The following MYH11 variants were observed in gnomAD, a reference collection of about 807,000 sequenced individuals.
MYH11 encodes myosin heavy chain 11.
In MYH11, 80 loss-of-function variants were observed where a neutral mutation model predicts 246.6. The ratio of observed to expected loss-of-function variants is 0.32; its 90% CI spans 0.27 to 0.39. MYH11 has a LOEUF of 0.39. Among genes scored for constraint, MYH11 ranks in the 10% least tolerant of loss-of-function variants. MYH11 has a pLI of 1.00. For missense variants in MYH11, 2,158 were observed against 2,546.8 expected, an observed-to-expected ratio of 0.85 and a Z score of 3.29; for synonymous variants, 1,071 against 1,015.5, an observed-to-expected ratio of 1.05 and a Z score of -1.04.
intron 2 of MYH11, among the ~76,000 whole-genome samples, chr16:15,824,204 G>A (rs1365684205): frequency 6.6e-6 from 1 of 152,114 alleles, no homozygotes; most frequent in Non-Finnish European, 1.5e-5. Context: ...ACAGATATGT[G>A]TGCAGAATTA....
intron 3 of MYH11, among the ~76,000 whole-genome samples, chr16:15,800,732 G>A (rs1397054903): frequency 6.6e-6 from 1 of 151,946 alleles, no homozygotes; most frequent in Non-Finnish European, 1.5e-5. Flanking sequence ...AGAGAGAACT[G>A]ATTGGATGTG....
At chr16:15,804,744 T>G (rs77683635) in intron 3 of MYH11, among the ~76,000 whole-genome samples, 2,990 of 152,292 alleles carry the variant, frequency 0.02, 95 homozygotes, top group African/African-American at 0.065. Context: ...TATTTTTGCA[T>G]AAATGGAATT....
intron 3 of MYH11, among the ~76,000 whole-genome samples, chr16:15,805,668 T>C (rs1297432477): frequency 1.3e-5 from 2 of 152,136 alleles, no homozygotes; most frequent in African/African-American, 2.4e-5. Context: ...TTCCAGCACT[T>C]TGGGAAGCTG....
chr16:15,772,782 G>A (rs1252543731), intron 8 of MYH11, among the ~76,000 whole-genome samples: 5 of 152,100 alleles, frequency 3.3e-5, no homozygotes, highest in South Asian at 4.1e-4. Context: ...GCTGCCCATC[G>A]CTTGCATCAC....
intron 25 of MYH11, among the ~76,000 whole-genome samples, 192 bp downstream of exon 25, chr16:15,737,257 G>C (rs1297099813): frequency 6.6e-6 from 1 of 152,206 alleles, no homozygotes; most frequent in Non-Finnish European, 1.5e-5. Context: ...GGGAAGAGAA[G>C]AAAGTCGAAG....
rs764843752 is a variant in MYH11, at chr16:15,704,067, A to G, written c.5843T>C (p.Ile1948Thr). 4 of 1,614,112 alleles carry G rather than the reference A, an allele frequency of 2.5e-6. No individual in the cohort carries two copies. The highest frequency in any genetic ancestry group is 2.7e-5 in the African/African-American group (2 of 75,004). ...CTCCTCAGAACCATCTGCATTTTCA[A>G]TAACTCTACGTCCTCCAGACCTTCT... Reference protein sequence around the residue: ...PSRRSGGRRVIENADGSEEET... With the variant: ...PSRRSGGRRVTENADGSEEET... The change falls in exon 41 of 41, where the codon ATT (isoleucine) becomes ACT (threonine). Residue 1948 changes from isoleucine to threonine, a missense_variant. Physicochemically the swap from Ile to Thr is moderately conservative, Grantham distance 89. Coordinates refer to ENST00000300036, the MANE Select transcript of MYH11 (RefSeq NM_002474.3).
chr16:15,748,291 A>G (rs2041475152), intron 16 of MYH11, 123 bp from the exon 17 acceptor site: 2 of 1,511,524 alleles, frequency 1.3e-6, no homozygotes, highest in Non-Finnish European at 1.8e-6. Flanking sequence ...GAAGCACCCA[A>G]GGAGGGCTTA....
chr16:15,746,122 C>T (rs780906705), intron 19 of MYH11, among the ~76,000 whole-genome samples: 15 of 148,806 alleles, frequency 1.0e-4, no homozygotes, highest in Admixed American at 3.4e-4. Context: ...ATAGGGGTCT[C>T]GCCATGTTGC....
chr16:15,800,488 CTGGTTGGACGGA>C lies in MYH11; in HGVS notation c.503-1813_503-1802del, dbSNP rs150412557. On this transcript the variant is annotated intron_variant, in intron 3 of 40. Transcript: ENST00000300036. ...GATGGGTAGATGGGTGGGTATATAG[CTGGTTGGACGGA>C]TGGTTGGACGGAGGAGGGAAGGATG... 9.7e-3 allele frequency among the ~76,000 whole-genome samples: 1,358 copies of C among 140,246 alleles called. 20 individuals are homozygous for C. The highest frequency in any genetic ancestry group is 0.033 in the African/African-American group (1,226 of 36,858). 92.0% of individuals were successfully genotyped at this position (140,246 alleles called of 152,430 possible).
intron 3 of MYH11, 129 bp from the exon 4 acceptor site, chr16:15,798,816 C>A: frequency 9.8e-7 from 1 of 1,022,008 alleles, no homozygotes; most frequent in Non-Finnish European, 1.5e-6. Context: ...GAAGTGACAA[C>A]AGGTCAGCTG....
At chr16:15,711,507 AAT>A (rs2039792733) in intron 40 of MYH11, among the ~76,000 whole-genome samples, 1 of 152,138 alleles carries the variant, frequency 6.6e-6, no homozygotes, top group Admixed American at 6.6e-5. Flanking sequence ...CTGGTTTAAA[AAT>A]ATAGAGGAGG....
Position 15,741,198 on chromosome 16 carries a change from C to T in MYH11, c.2859+265G>A, listed in dbSNP as rs2041262192. 1.0e-5 allele frequency: 6 copies of T among 594,000 alleles called. No individual in the cohort carries two copies. In the South Asian group the frequency reaches 1.2e-4, roughly 12 times the overall value. 36.8% of individuals were successfully genotyped at this position (594,000 alleles called of 1,614,324 possible). On this transcript the variant is annotated intron_variant, in intron 22 of 40. Coordinates refer to ENST00000300036, the MANE Select transcript of MYH11 (RefSeq NM_002474.3). ...TGTTTTGTTATGTAGCAATAGCTAACAAATACAATTATCCTCCATTCAGGC... is the reference window on the plus strand; with the variant it reads ...TGTTTTGTTATGTAGCAATAGCTAATAAATACAATTATCCTCCATTCAGGC...
intron 40 of MYH11, among the ~76,000 whole-genome samples, chr16:15,707,727 T>C (rs1041971908): frequency 3.3e-5 from 5 of 152,088 alleles, no homozygotes; most frequent in South Asian, 4.2e-4. Flanking sequence ...ATCCCAGCAT[T>C]TGGGGAGGCC....
chr16:15,749,980 C>T (rs748982883), intron 16 of MYH11, 158 bp downstream of exon 16: 9 of 920,064 alleles, frequency 9.8e-6, no homozygotes, highest in Middle Eastern at 4.4e-4. Flanking sequence ...TCCTTTTCCT[C>T]CAGGGATGGG....
At position 15,840,297 on chromosome 16, in the gene MYH11, T is replaced by C. The variant is rs556037986; in HGVS notation, c.-17-2028A>G. 8.5e-5 allele frequency among the ~76,000 whole-genome samples: 13 copies of C among 152,108 alleles called. No individual in the cohort carries two copies. In the East Asian group the frequency reaches 1.5e-3, roughly 18 times the overall value. On this transcript the variant is annotated intron_variant, in intron 1 of 40. Coordinates refer to ENST00000300036, the MANE Select transcript of MYH11 (RefSeq NM_002474.3). ...GTTTCCAAGAGCTAGAAGAAGGACA[T>C]TGAATGTTCCCAACACAAAGAGATG...
chr16:15,786,544 A>G (rs765513661), intron 5 of MYH11, 86 bp downstream of exon 5: 7 of 1,269,966 alleles, frequency 5.5e-6, no homozygotes, highest in Admixed American at 5.0e-5. Context: ...AGTTCTTGCA[A>G]TGATGTTCTG....
At chr16:15,829,865 T>C (rs1275783310) in intron 2 of MYH11, among the ~76,000 whole-genome samples, 2 of 152,174 alleles carry the variant, frequency 1.3e-5, no homozygotes, top group Non-Finnish European at 2.9e-5. Flanking sequence ...CCGGGCGCAG[T>C]GGCTCACACC....
Position 15,810,705 on chromosome 16 carries a change from C to A in MYH11, c.503-12018G>T, listed in dbSNP as rs578156972. Among the ~76,000 whole-genome samples the A allele has an allele frequency of 3.3e-5, 5 of 152,320 alleles. No individual in the cohort carries two copies. In the East Asian group the frequency reaches 9.7e-4, roughly 29 times the overall value. On this transcript the variant is annotated intron_variant, in intron 3 of 40. Coordinates refer to ENST00000300036, the MANE Select transcript of MYH11 (RefSeq NM_002474.3). ...TGGCTCCACCCTATCACCTCTGCCC[C>A]CAGGGCCCGTTTCCTCACCAGGGAA...
intron 1 of MYH11, among the ~76,000 whole-genome samples, chr16:15,851,844 C>T (rs993699973): frequency 6.6e-6 from 1 of 152,126 alleles, no homozygotes; most frequent in Non-Finnish European, 1.5e-5. Context: ...TACGGTAGCC[C>T]CTGTGAAGGA....
Sources: gnomAD v4.1 joint callset for allele counts (sites outside exome capture counted in the v4.1 genomes callset) on GRCh38, gnomAD v4.1.1 for gene constraint, MANE v1.5 for transcripts, NCBI Gene and HGNC (gene_info 2026-07-23, HGNC 2026-07-21) for gene names.